Variants in SEMA3C observed in about 807,000 individuals in gnomAD.
SEMA3C encodes semaphorin 3C.
SEMA3C carries 47 observed loss-of-function variants against 89.4 expected under a neutral mutation model. The ratio of observed to expected loss-of-function variants is 0.53; its 90% CI spans 0.42 to 0.67. The LOEUF (loss-of-function observed/expected upper bound fraction) is 0.67. Among genes scored for constraint, SEMA3C ranks in the 30% least tolerant of loss-of-function variants. The pLI is 0.00. For synonymous variants in SEMA3C, 310 were observed against 320.2 expected, an observed-to-expected ratio of 0.97 and a Z score of 0.34; for missense variants, 839 against 929.1, an observed-to-expected ratio of 0.90 and a Z score of 1.26.
intron 2 of SEMA3C, among the ~76,000 whole-genome samples, chr7:80,904,101 C>A (rs535043636): frequency 3.7e-4 from 56 of 152,260 alleles, no homozygotes; most frequent in African/African-American, 1.3e-3. Context: ...AGTGCAGTAG[C>A]AAGATCTCGG....
At chr7:80,749,099 G>A (rs1464642685) in intron 16 of SEMA3C, 71 bp from the exon 17 acceptor site, 4 of 1,444,618 alleles carry the variant, frequency 2.8e-6, no homozygotes, top group Non-Finnish European at 9.3e-7. Context: ...TTCTCCTGTA[G>A]AAATGCTATA....
intron 12 of SEMA3C, among the ~76,000 whole-genome samples, chr7:80,768,985 G>T (rs998036986): frequency 3.3e-5 from 5 of 152,196 alleles, no homozygotes; most frequent in African/African-American, 1.2e-4. Context: ...GTTCCCTGCT[G>T]CAGTTTGTAA....
chr7:80,823,481 G>T (rs1789801759), intron 4 of SEMA3C, among the ~76,000 whole-genome samples: 1 of 152,028 alleles, frequency 6.6e-6, no homozygotes, highest in Admixed American at 6.6e-5. Flanking sequence ...ATATCCTGGA[G>T]CACAGGTGAA....
At chr7:80,877,023 G>A (rs58168478) in intron 2 of SEMA3C, among the ~76,000 whole-genome samples, 2,522 of 152,256 alleles carry the variant, frequency 0.017, 73 homozygotes, top group African/African-American at 0.056. Flanking sequence ...CCCACAAGCT[G>A]CTGAAGACAG....
rs140249232 is a variant in SEMA3C at position 80,905,025 on chromosome 7, T to G, written c.103+11654A>C. ...CTATAATAGGGTGGCAAACTGCTGATGAAAATGAAAGCACAGAGAAAAAAA... is the reference window on the plus strand; with the variant it reads ...CTATAATAGGGTGGCAAACTGCTGAGGAAAATGAAAGCACAGAGAAAAAAA... On this transcript the variant is annotated intron_variant, in intron 2 of 17. Transcript: ENST00000265361. 2.3e-3 allele frequency among the ~76,000 whole-genome samples: 349 copies of G among 151,452 alleles called. 5 individuals are homozygous for G. Among genetic ancestry groups the G allele is most frequent in the African/African-American group, 8.3e-3 (343 of 41,238 alleles).
chr7:80,875,877 T>C (rs951746118), intron 2 of SEMA3C, among the ~76,000 whole-genome samples: 2 of 151,868 alleles, frequency 1.3e-5, no homozygotes, highest in Non-Finnish European at 2.9e-5. Flanking sequence ...AAAAAAAAAT[T>C]ATATGCTGAG....
intron 2 of SEMA3C, among the ~76,000 whole-genome samples, chr7:80,863,013 C>A (rs1790808494): frequency 6.6e-6 from 1 of 152,006 alleles, no homozygotes; most frequent in South Asian, 2.1e-4. Context: ...CTGGAAAACC[C>A]TTCTAGACTA....
intron 6 of SEMA3C, among the ~76,000 whole-genome samples, chr7:80,809,524 A>G (rs1007578443): frequency 2.0e-5 from 3 of 152,162 alleles, no homozygotes; most frequent in African/African-American, 7.2e-5. Context: ...TAGCTGTACT[A>G]ATTTACATTC....
intron 2 of SEMA3C, among the ~76,000 whole-genome samples, chr7:80,885,292 A>C (rs1791448880): frequency 1.3e-5 from 2 of 152,032 alleles, no homozygotes; most frequent in Admixed American, 1.3e-4. Context: ...TCCCTAGGTA[A>C]ATTGTTTAAG....
At chr7:80,836,414 A>C (rs1790127115) in intron 2 of SEMA3C, among the ~76,000 whole-genome samples, 1 of 152,210 alleles carries the variant, frequency 6.6e-6, no homozygotes, top group Admixed American at 6.5e-5. Context: ...GCGGTGGCTC[A>C]CGCCTGTAAT....
chr7:80,889,684 T>C (rs1791567491), intron 2 of SEMA3C, among the ~76,000 whole-genome samples: 1 of 152,158 alleles, frequency 6.6e-6, no homozygotes, highest in Non-Finnish European at 1.5e-5. Context: ...GAGATGTGGT[T>C]ATTACAAACA....
chr7:80,904,414 T>C (rs930552676), intron 2 of SEMA3C, among the ~76,000 whole-genome samples: 3 of 152,128 alleles, frequency 2.0e-5, no homozygotes, highest in African/African-American at 7.2e-5. Context: ...ATATAGAAAA[T>C]AGAACACAAT....
intron 14 of SEMA3C, among the ~76,000 whole-genome samples, chr7:80,760,202 TCA>T (rs1265269548): frequency 6.6e-6 from 1 of 152,210 alleles, no homozygotes; most frequent in Non-Finnish European, 1.5e-5. Context: ...GCCTTGAATC[TCA>T]CTGTTTTAAT....
intron 2 of SEMA3C, among the ~76,000 whole-genome samples, chr7:80,842,612 C>T (rs1790295751): frequency 6.6e-6 from 1 of 152,080 alleles, no homozygotes; most frequent in African/African-American, 2.4e-5. Context: ...AGCTCATGGT[C>T]ACCTTTTTAA....
chr7:80,753,916 T>A (rs922207308), intron 15 of SEMA3C, among the ~76,000 whole-genome samples: 3 of 147,814 alleles, frequency 2.0e-5, no homozygotes, highest in Non-Finnish European at 3.0e-5. Context: ...TTTTATTGTT[T>A]ACTAGAGTTT....
At chr7:80,884,916 C>T (rs1253242486) in intron 2 of SEMA3C, among the ~76,000 whole-genome samples, 1 of 152,088 alleles carries the variant, frequency 6.6e-6, no homozygotes, top group Admixed American at 6.6e-5. Flanking sequence ...AGGCCAGTAC[C>T]GGCATTTTAA....
chr7:80,761,716 T>G, intron 13 of SEMA3C, 59 bp from the exon 14 acceptor site: 1 of 949,260 alleles, frequency 1.1e-6, no homozygotes, highest in Non-Finnish European at 1.6e-6. Context: ...GGATTTTACA[T>G]TCAGATTTTT....
intron 11 of SEMA3C, 79 bp from the exon 12 acceptor site, chr7:80,789,607 G>A (rs1182982793): frequency 8.0e-6 from 8 of 1,002,528 alleles, no homozygotes; most frequent in African/African-American, 1.6e-5. Flanking sequence ...CTCTACTTTT[G>A]AAATCACTTA....
chr7:80,891,808 T>C (rs1791620239), intron 2 of SEMA3C, among the ~76,000 whole-genome samples: 1 of 152,124 alleles, frequency 6.6e-6, no homozygotes, highest in South Asian at 2.1e-4. Context: ...TTATATAAAG[T>C]ATCTTAATTT....
Sources: allele counts gnomAD v4.1 joint callset (sites outside exome capture counted in the v4.1 genomes callset), GRCh38; gene constraint gnomAD v4.1.1; transcripts MANE v1.5; gene names NCBI Gene and HGNC (gene_info 2026-07-23, HGNC 2026-07-21).